The following ADGRV1 variants were observed in gnomAD, a reference collection of about 807,000 sequenced individuals.
ADGRV1 encodes adhesion G protein-coupled receptor V1, also known as G-protein coupled receptor 98.
ADGRV1 carries 359 observed loss-of-function variants against 596.2 expected under a neutral mutation model. That is an observed-to-expected ratio of 0.60 (90% confidence interval 0.55 to 0.66). The LOEUF is 0.66. Among genes scored for constraint, ADGRV1 ranks in the 30% least tolerant of loss-of-function variants. The pLI is 0.00. For synonymous variants in ADGRV1, 2,681 were observed against 2,679.2 expected, an observed-to-expected ratio of 1.00 and a Z score of -0.02; for missense variants, 7,274 against 7,575.6, an observed-to-expected ratio of 0.96 and a Z score of 1.48.
intron 1 of ADGRV1, among the ~76,000 whole-genome samples, chr5:90,584,661 T>C (rs1351912590): frequency 6.6e-6 from 1 of 152,202 alleles, no homozygotes; most frequent in African/African-American, 2.4e-5. Context: ...GGGGTGACTT[T>C]AGCTTCCTCA....
chr5:90,819,075 T>C (rs1763210519), intron 75 of ADGRV1, among the ~76,000 whole-genome samples: 2 of 152,328 alleles, frequency 1.3e-5, no homozygotes, highest in Admixed American at 1.3e-4. Context: ...AACTATTGAT[T>C]ATTGCTACAA....
intron 85 of ADGRV1, among the ~76,000 whole-genome samples, chr5:91,034,073 C>T (rs1309678988): frequency 3.3e-5 from 5 of 151,998 alleles, no homozygotes; most frequent in Non-Finnish European, 5.9e-5. Context: ...TTTGTGATAA[C>T]CCGATTTTTT....
intron 86 of ADGRV1, among the ~76,000 whole-genome samples, chr5:91,074,610 T>C (rs1169828870): frequency 2.0e-5 from 3 of 152,248 alleles, no homozygotes. Flanking sequence ...GTCTTTGCTA[T>C]TGTGAATAGT....
At chr5:91,094,955 T>C (rs1160994716) in intron 86 of ADGRV1, among the ~76,000 whole-genome samples, 3 of 152,128 alleles carry the variant, frequency 2.0e-5, no homozygotes, top group African/African-American at 7.2e-5. Context: ...TAATAAGTGT[T>C]GATAGAGTCT....
intron 57 of ADGRV1, among the ~76,000 whole-genome samples, chr5:90,757,495 GTTTCT>G (rs1331600848): frequency 5.9e-5 from 9 of 151,986 alleles, no homozygotes; most frequent in Admixed American, 5.2e-4. Flanking sequence ...GTGGACTTTA[GTTTCT>G]TTTATCTTTT....
chr5:91,005,415 G>A (rs1782188297), intron 85 of ADGRV1, among the ~76,000 whole-genome samples: 1 of 151,994 alleles, frequency 6.6e-6, no homozygotes, highest in South Asian at 2.1e-4. Flanking sequence ...TTGGCTCACT[G>A]CAACCTCGCC....
chr5:90,562,464 C>G (rs567944375), intron 1 of ADGRV1, among the ~76,000 whole-genome samples: 2 of 152,246 alleles, frequency 1.3e-5, no homozygotes, highest in East Asian at 3.9e-4. Context: ...AAGGGTGGAG[C>G]TGAGGCACAA....
chr5:90,851,892 T>C (rs1766567183), intron 79 of ADGRV1, among the ~76,000 whole-genome samples: 1 of 152,134 alleles, frequency 6.6e-6, no homozygotes, highest in Non-Finnish European at 1.5e-5. Context: ...TGAGTCTCAG[T>C]AGATGACAAA....
chr5:90,933,075 A>T (rs1370505823), intron 83 of ADGRV1, among the ~76,000 whole-genome samples: 3 of 152,132 alleles, frequency 2.0e-5, no homozygotes, highest in Non-Finnish European at 4.4e-5. Context: ...AAAAAGCATG[A>T]TTTCTCAAAT....
intron 9 of ADGRV1, 76 bp from the exon 10 acceptor site, chr5:90,635,038 C>G (rs746272388): frequency 1.1e-6 from 1 of 871,930 alleles, no homozygotes; most frequent in Admixed American, 2.3e-5. Context: ...ACTTTGTCAC[C>G]CCATGCTGTT....
intron 85 of ADGRV1, among the ~76,000 whole-genome samples, chr5:91,010,847 T>C (rs1782666002): frequency 6.6e-6 from 1 of 151,980 alleles, no homozygotes; most frequent in South Asian, 2.1e-4. Context: ...TGCTGTATTG[T>C]AATAATTGAT....
intron 85 of ADGRV1, among the ~76,000 whole-genome samples, chr5:91,006,238 G>T (rs1389125073): frequency 6.6e-6 from 1 of 152,108 alleles, no homozygotes; most frequent in African/African-American, 2.4e-5. Context: ...GGGGAATACA[G>T]GTACAGAGCC....
intron 83 of ADGRV1, among the ~76,000 whole-genome samples, chr5:90,912,366 C>G (rs971127226): frequency 1.2e-4 from 19 of 152,094 alleles, no homozygotes; most frequent in Admixed American, 1.0e-3. Flanking sequence ...CCAGCATCAT[C>G]TTTCTTAAAA....
chr5:90,914,783 A>G (rs1057255707), intron 83 of ADGRV1, among the ~76,000 whole-genome samples: 4 of 152,228 alleles, frequency 2.6e-5, no homozygotes, highest in African/African-American at 9.6e-5. Flanking sequence ...CAACAGAAAC[A>G]AAAACAACCT....
rs1778362755 is a variant in ADGRV1, at chr5:90,965,417, T to C, written c.17859T>C (p.Ile5953=). The part of the protein sequence containing the change: ...HMMAASLGTQ[I]LFLASAYASP... ...ATAGAAGTATCTGTTTCTTACAGATTCTGTTTCTGGCGTCTGCATACGCAA... is the reference window on the plus strand; with the variant it reads ...ATAGAAGTATCTGTTTCTTACAGATCCTGTTTCTGGCGTCTGCATACGCAA... Residue 5953 remains isoleucine (I), a splice_region_variant and synonymous_variant, in exon 84 of 90, where the codon ATT becomes ATC. Transcript: ENST00000405460. 9 of 1,589,996 alleles carry C rather than the reference T, an allele frequency of 5.7e-6. No individual in the cohort carries two copies. The highest frequency in any genetic ancestry group is 1.3e-5 in the African/African-American group (1 of 74,598).
chr5:91,140,717 G>T (rs918091391), intron 87 of ADGRV1, among the ~76,000 whole-genome samples: 1 of 152,114 alleles, frequency 6.6e-6, no homozygotes, highest in African/African-American at 2.4e-5. Context: ...TCCAAGCAGG[G>T]TTAGTGGGGT....
Position 90,643,061 on chromosome 5 carries a change from C to T in ADGRV1, c.2553+20C>T. On this transcript the variant is annotated intron_variant, in intron 13 of 89. Coordinates refer to ENST00000405460, the MANE Select transcript of ADGRV1 (RefSeq NM_032119.4). ...CCAGAGGTATGGGATTTTATATTTT[C>T]TTTGTGTTTCTCTGTAAGATTGATA... 6 of 1,586,040 alleles carry T rather than the reference C, an allele frequency of 3.8e-6. No individual in the cohort carries two copies. The highest frequency in any genetic ancestry group is 5.2e-6 in the Non-Finnish European group (6 of 1,155,736).
At chr5:91,107,332 AT>A (rs1447959368) in intron 87 of ADGRV1, among the ~76,000 whole-genome samples, 1 of 152,178 alleles carries the variant, frequency 6.6e-6, no homozygotes, top group Non-Finnish European at 1.5e-5. Flanking sequence ...TGGAGGAAAG[AT>A]TTGTTGCCAT....
intron 75 of ADGRV1, among the ~76,000 whole-genome samples, chr5:90,820,799 G>C (rs1225527916): frequency 6.6e-6 from 1 of 151,938 alleles, no homozygotes; most frequent in Non-Finnish European, 1.5e-5. Context: ...TTAGTCTGAT[G>C]GGCTTCCCTA....
Sources: gnomAD v4.1 joint callset for allele counts (sites outside exome capture counted in the v4.1 genomes callset) on GRCh38, gnomAD v4.1.1 for gene constraint, MANE v1.5 for transcripts, NCBI Gene and HGNC (gene_info 2026-07-23, HGNC 2026-07-21) for gene names.